The following TM2D2 variants were observed in gnomAD, a reference collection of about 807,000 sequenced individuals.
TM2D2 encodes the protein TM2 domain-containing protein 2.
TM2D2 carries 19 observed loss-of-function variants against 23.0 expected under a neutral mutation model. That is an observed-to-expected ratio of 0.82 (90% confidence interval 0.58 to 1.21). The LOEUF is 1.21. Among genes scored for constraint, TM2D2 ranks in the 50% most tolerant of loss-of-function variants. The pLI is 0.00. For missense variants in TM2D2, 246 were observed against 265.4 expected, an observed-to-expected ratio of 0.93 and a Z score of 0.51; for synonymous variants, 120 against 108.8, an observed-to-expected ratio of 1.10 and a Z score of -0.64.
chr8:38,993,411 G>T, intron 3 of TM2D2, 134 bp downstream of exon 3: 1 of 548,116 alleles, frequency 1.8e-6, no homozygotes, highest in South Asian at 2.1e-5. Flanking sequence ...AGCCATGATT[G>T]CACCACTGCA....
At chr8:38,992,071 G>C (rs1209891898) in intron 3 of TM2D2, among the ~76,000 whole-genome samples, 1 of 152,006 alleles carries the variant, frequency 6.6e-6, no homozygotes, top group Non-Finnish European at 1.5e-5. Context: ...CTGCTGGTTG[G>C]GCCCTTTGCT....
rs1835575352 is a variant in TM2D2 at position 38,990,669 on chromosome 8, C to T, written c.*663G>A. The T allele has an allele frequency of 6.6e-6, 1 of 152,234 alleles. No homozygotes were observed. Among genetic ancestry groups the T allele is most frequent in the African/African-American group, 2.4e-5 (1 of 41,440 alleles). 9.4% of individuals were successfully genotyped at this position (152,234 alleles called of 1,614,324 possible). A position where few individuals can be genotyped will look rare whatever the true frequency, so the allele number is the denominator to read the frequency against. On this transcript the variant is annotated 3_prime_UTR_variant, in exon 4 of 4. Transcript: ENST00000456397. Reference sequence around the variant, plus strand: ...TAAGTGGAATGAAAAAATTATTGCACTGCATATACTGCCTCTGGAACATAA... The same window carrying T: ...TAAGTGGAATGAAAAAATTATTGCATTGCATATACTGCCTCTGGAACATAA...
At position 38,993,501 on chromosome 8, in the gene TM2D2, A is replaced by G. The variant is rs73617944; in HGVS notation, c.431+44T>C. 3,107 of 1,415,880 alleles carry G rather than the reference A, an allele frequency of 2.2e-3. 53 individuals are homozygous for G. In the African/African-American group the frequency reaches 0.04, roughly 18 times the overall value. The allele number at this position is 1,415,880 out of a possible 1,614,324, so 87.7% of individuals were successfully genotyped here. ...ATAAAAAGACAAGGAAAATGGCTCT[A>G]CCTCCAACCAAGTACCAACTACTCC... On this transcript the variant is annotated intron_variant, in intron 3 of 3. Coordinates refer to ENST00000456397, the MANE Select transcript of TM2D2 (RefSeq NM_078473.3).
chr8:38,993,903 A>ACTGG, intron 2 of TM2D2: 1 of 296,806 alleles, frequency 3.4e-6, no homozygotes, highest in Non-Finnish European at 6.4e-6. Flanking sequence ...TCAATAATAT[A>ACTGG]GTAAAAAAAA....
At chr8:38,996,858 G>C, upstream of TM2D2, 1 of 1,458,290 alleles carries the variant, frequency 6.9e-7, no homozygotes, top group Non-Finnish European at 9.0e-7. Flanking sequence ...TTTTCCCTAC[G>C]TCAGCGCAGC....
At chr8:38,995,457 G>A in intron 1 of TM2D2, 52 bp from the exon 2 acceptor site, 2 of 1,598,790 alleles carry the variant, frequency 1.3e-6, no homozygotes, top group South Asian at 1.1e-5. Flanking sequence ...TTTGCAAATC[G>A]CTGTTTGCAT....
intron 2 of TM2D2, chr8:38,993,966 T>C (rs1011235224): frequency 1.1e-4 from 21 of 192,180 alleles, no homozygotes; most frequent in African/African-American, 4.4e-4. Flanking sequence ...ATGAACACAA[T>C]GCTTTACTTA....
intron 3 of TM2D2, among the ~76,000 whole-genome samples, chr8:38,993,078 G>C (rs1835651291): frequency 6.6e-6 from 1 of 152,102 alleles, no homozygotes; most frequent in Non-Finnish European, 1.5e-5. Context: ...ATCTATTGTA[G>C]GAATTTTGGG....
At chr8:38,992,017 A>C (rs761645581) in intron 3 of TM2D2, among the ~76,000 whole-genome samples, 39 of 152,112 alleles carry the variant, frequency 2.6e-4, no homozygotes, top group Non-Finnish European at 5.0e-4. Context: ...ACAGGCCAGA[A>C]ACAGAAGATA....
intron 2 of TM2D2, 51 bp downstream of exon 2, chr8:38,995,267 T>C (rs1835725188): frequency 3.1e-6 from 4 of 1,294,784 alleles, no homozygotes; most frequent in Non-Finnish European, 4.3e-6. Context: ...CATTCAGACA[T>C]TCCTATTTCG....
In TM2D2 at chr8:38,990,509, G is replaced by C. The variant is rs1018029993; in HGVS notation, c.*823C>G. 1 of 152,222 alleles carries C rather than the reference G, an allele frequency of 6.6e-6. No individual in the cohort carries two copies. Among genetic ancestry groups the C allele is most frequent in the Non-Finnish European group, 1.5e-5 (1 of 68,048 alleles). 9.4% of individuals were successfully genotyped at this position (152,222 alleles called of 1,614,324 possible). A position where few individuals can be genotyped will look rare whatever the true frequency, so the allele number is the denominator to read the frequency against. ...GCCCACAGGGAGAGCTAATCATGAA[G>C]AATAGTTTTACAGAAACTTGTATGA... On this transcript the variant is annotated 3_prime_UTR_variant, in exon 4 of 4. Coordinates refer to ENST00000456397, the MANE Select transcript of TM2D2 (RefSeq NM_078473.3).
Position 38,991,437 on chromosome 8 carries a change from C to T in TM2D2, c.540G>A (p.Leu180=). The T allele has an allele frequency of 6.2e-7, 1 of 1,614,210 alleles. No homozygotes were observed. The highest frequency in any genetic ancestry group is 8.5e-7 in the Non-Finnish European group (1 of 1,180,042). ...LGHTGTAVGK[L]LTLGGLGIWW... ...AAATCCCAAGTCCTCCAAGCGTCAA[C>T]AGCTTCCCTACTGCAGTGCCAGTGT... is the stretch of plus-strand genomic sequence containing the variant. The change falls in exon 4 of 4, where the codon CTG becomes CTA. Residue 180 remains leucine (L), a synonymous_variant. Transcript: ENST00000456397.
Position 38,989,973 on chromosome 8 carries a change from A to G in TM2D2, c.*1359T>C, listed in dbSNP as rs1365663263. On this transcript the variant is annotated 3_prime_UTR_variant, in exon 4 of 4. Coordinates refer to ENST00000456397, the MANE Select transcript of TM2D2 (RefSeq NM_078473.3). ...CATGACCCATAAAAATTTAATAAAT[A>G]CTATCTTAGGGTATAAAGATTATGA... 2 of 152,206 alleles carry G rather than the reference A, an allele frequency of 1.3e-5. No individual in the cohort carries two copies. Among genetic ancestry groups the G allele is most frequent in the African/African-American group, 4.8e-5 (2 of 41,452 alleles). The allele number at this position is 152,206 out of a possible 1,614,324, so 9.4% of individuals were successfully genotyped here.
At chr8:38,995,945 C>A (rs1376829991) in intron 1 of TM2D2, among the ~76,000 whole-genome samples, 4 of 145,144 alleles carry the variant, frequency 2.8e-5, no homozygotes, top group Non-Finnish European at 4.4e-5. Context: ...AAAGAAAGCA[C>A]AACCTTACGC....
intron 3 of TM2D2, 47 bp from the exon 4 acceptor site, chr8:38,991,592 T>A: frequency 7.0e-7 from 1 of 1,423,886 alleles, no homozygotes; most frequent in Non-Finnish European, 9.9e-7. Flanking sequence ...CACGAAAATT[T>A]AAACCCTTAA....
intron 3 of TM2D2, 152 bp downstream of exon 3, chr8:38,993,393 C>T: frequency 2.1e-6 from 1 of 480,902 alleles, no homozygotes; most frequent in Non-Finnish European, 3.7e-6. Flanking sequence ...GAGGTCCAGG[C>T]TGCGATAAGC....
rs1393799342 is a variant in TM2D2, at chr8:38,989,941, G to A, written c.*1391C>T. 6.6e-6 allele frequency: 1 copy of A among 152,178 alleles called. No individual in the cohort carries two copies. Among genetic ancestry groups the A allele is most frequent in the Admixed American group, 6.5e-5 (1 of 15,280 alleles). The allele number at this position is 152,178 out of a possible 1,614,324, so 9.4% of individuals were successfully genotyped here. A position where few individuals can be genotyped will look rare whatever the true frequency, so the allele number is the denominator to read the frequency against. Reference sequence around the variant, plus strand: ...TAGATTTTTCTGGGGAGAGGGTCTAGTTTCTTCATGACCCATAAAAATTTA... The same window carrying A: ...TAGATTTTTCTGGGGAGAGGGTCTAATTTCTTCATGACCCATAAAAATTTA... On this transcript the variant is annotated 3_prime_UTR_variant, in exon 4 of 4. Coordinates refer to ENST00000456397, the MANE Select transcript of TM2D2 (RefSeq NM_078473.3).
intron 3 of TM2D2, among the ~76,000 whole-genome samples, chr8:38,992,505 A>AT (rs1835633803): frequency 6.7e-6 from 1 of 149,890 alleles, no homozygotes; most frequent in African/African-American, 2.4e-5. Flanking sequence ...AAAAATACGC[A>AT]TTTTTTTATA....
In TM2D2 at chr8:38,995,446, C is replaced by T. The variant is rs765901046; in HGVS notation, c.228-41G>A. 2.5e-6 allele frequency: 4 copies of T among 1,602,646 alleles called. No individual in the cohort carries two copies. In the African/African-American group the frequency reaches 4.1e-5, roughly 16 times the overall value. ...AAGATCATGATCATCATCATACGGT[C>T]TTTGCAAATCGCTGTTTGCATGCAC... On this transcript the variant is annotated intron_variant, in intron 1 of 3. Transcript: ENST00000456397.
Sources: gnomAD v4.1 joint callset for allele counts (sites outside exome capture counted in the v4.1 genomes callset) on GRCh38, gnomAD v4.1.1 for gene constraint, MANE v1.5 for transcripts, NCBI Gene and HGNC (gene_info 2026-07-23, HGNC 2026-07-21) for gene names.